The following SLC16A7 variants were observed in gnomAD, a reference collection of about 807,000 sequenced individuals.
The protein encoded by SLC16A7 is solute carrier family 16 member 7, also known as monocarboxylate transporter 2.
In SLC16A7, 33 loss-of-function variants were observed where a neutral mutation model predicts 34.9. The ratio of observed to expected loss-of-function variants is 0.94; its 90% CI spans 0.72 to 1.26. SLC16A7 has a LOEUF of 1.26. SLC16A7 is among the 50% of genes most tolerant of loss of function. The probability of loss-of-function intolerance (pLI) is 0.00; values close to 1 mark genes in which losing one functional copy is unlikely to be tolerated. For missense variants in SLC16A7, 573 were observed against 578.1 expected (o/e 0.99, Z 0.09); for synonymous variants, 201 against 206.6 (o/e 0.97, Z 0.23).
intron 2 of SLC16A7, among the ~76,000 whole-genome samples, chr12:59,677,968 G>A (rs1693622): frequency 0.51 from 77,340 of 152,022 alleles, 20,839 homozygotes; most frequent in East Asian, 0.71. Flanking sequence ...CGTTCCACCC[G>A]CTTGCCCTGG....
intron 1 of SLC16A7, among the ~76,000 whole-genome samples, chr12:59,609,414 T>C (rs1879091500): frequency 6.6e-6 from 1 of 152,176 alleles, no homozygotes; most frequent in South Asian, 2.1e-4. Flanking sequence ...AGTTGTTTTA[T>C]TCTTTGGCAT....
intron 2 of SLC16A7, among the ~76,000 whole-genome samples, chr12:59,673,177 A>C (rs1468300046): frequency 6.6e-6 from 1 of 152,214 alleles, no homozygotes; most frequent in African/African-American, 2.4e-5. Flanking sequence ...CGATTTTGCT[A>C]CATAATATTT....
intron 3 of SLC16A7, among the ~76,000 whole-genome samples, chr12:59,759,192 T>C (rs1442839001): frequency 6.6e-6 from 1 of 151,974 alleles, no homozygotes; most frequent in Non-Finnish European, 1.5e-5. Flanking sequence ...GTATTTAGGG[T>C]AGAGTGTGAA....
intron 5 of SLC16A7, among the ~76,000 whole-genome samples, chr12:59,775,761 T>A (rs1032390031): frequency 2.0e-5 from 3 of 152,148 alleles, no homozygotes; most frequent in African/African-American, 7.2e-5. Context: ...TGTTTTGGTC[T>A]CTTAAAAATA....
chr12:59,633,008 T>A (rs1053431361), intron 1 of SLC16A7, among the ~76,000 whole-genome samples: 11 of 151,980 alleles, frequency 7.2e-5, no homozygotes, highest in African/African-American at 2.4e-4. Context: ...CTTAATAATA[T>A]ACCCGACTTC....
intron 2 of SLC16A7, among the ~76,000 whole-genome samples, chr12:59,673,496 T>G (rs1459169636): frequency 2.0e-5 from 3 of 151,572 alleles, no homozygotes; most frequent in Non-Finnish European, 4.4e-5. Flanking sequence ...TTTTTTTTTT[T>G]GGCCACAAGT....
intron 1 of SLC16A7, among the ~76,000 whole-genome samples, chr12:59,598,290 C>T (rs528874053): frequency 6.6e-6 from 1 of 152,340 alleles, no homozygotes. Context: ...GTGGTACCCA[C>T]TCTGAAGTGA....
chr12:59,728,465 A>T (rs1335001676), intron 3 of SLC16A7, among the ~76,000 whole-genome samples: 2 of 152,220 alleles, frequency 1.3e-5, no homozygotes, highest in Non-Finnish European at 2.9e-5. Flanking sequence ...TGGGAGATGG[A>T]TATGCTTTCA....
In SLC16A7 at chr12:59,787,293, C is replaced by A. The variant is rs1883692268; in HGVS notation, c.*7614C>A. 1 of 152,130 alleles carries A rather than the reference C, an allele frequency of 6.6e-6. No individual in the cohort carries two copies. The highest frequency in any genetic ancestry group is 1.5e-5 in the Non-Finnish European group (1 of 68,020). 9.4% of individuals were successfully genotyped at this position (152,130 alleles called of 1,614,324 possible). A position where few individuals can be genotyped will look rare whatever the true frequency, so the allele number is the denominator to read the frequency against. ...TGAGGAGAACACCTCTACAGTATTT[C>A]TTGATCTAAGAACCTGAACATATGT... On this transcript the variant is annotated 3_prime_UTR_variant, in exon 6 of 6. Transcript: ENST00000547379.
intron 3 of SLC16A7, among the ~76,000 whole-genome samples, chr12:59,751,766 A>G (rs1879599649): frequency 6.6e-6 from 1 of 152,218 alleles, no homozygotes; most frequent in South Asian, 2.1e-4. Flanking sequence ...TTCTCCCAGC[A>G]TGCAGCTGGA....
At chr12:59,717,454 T>C (rs576195741) in intron 3 of SLC16A7, among the ~76,000 whole-genome samples, 1 of 152,338 alleles carries the variant, frequency 6.6e-6, no homozygotes, top group South Asian at 2.1e-4. Flanking sequence ...CCTGATAAAA[T>C]GAACTGTAAG....
intron 4 of SLC16A7, among the ~76,000 whole-genome samples, chr12:59,771,715 A>T (rs1455546891): frequency 6.6e-6 from 1 of 152,128 alleles, no homozygotes; most frequent in Non-Finnish European, 1.5e-5. Flanking sequence ...GTTATTATAA[A>T]ACTTATTTTC....
At chr12:59,648,699 A>G (rs1323472458) in intron 1 of SLC16A7, among the ~76,000 whole-genome samples, 1 of 152,168 alleles carries the variant, frequency 6.6e-6, no homozygotes, top group Non-Finnish European at 1.5e-5. Context: ...CCAGGACAGG[A>G]TTGATTGAAA....
chr12:59,682,722 A>AG (rs1870835644), intron 2 of SLC16A7, among the ~76,000 whole-genome samples: 1 of 152,108 alleles, frequency 6.6e-6, no homozygotes, highest in Non-Finnish European at 1.5e-5. Flanking sequence ...GATTTTCTTG[A>AG]GAAAAAAAAA....
At chr12:59,674,935 A>C (rs1870181713) in intron 2 of SLC16A7, among the ~76,000 whole-genome samples, 1 of 152,182 alleles carries the variant, frequency 6.6e-6, no homozygotes, top group South Asian at 2.1e-4. Flanking sequence ...TAGGACTTCT[A>C]AAATACTAAG....
At chr12:59,715,848 A>T (rs1378388714) in intron 3 of SLC16A7, among the ~76,000 whole-genome samples, 1 of 152,192 alleles carries the variant, frequency 6.6e-6, no homozygotes, top group African/African-American at 2.4e-5. Context: ...GTTTGTAATT[A>T]CCCAATGTTT....
intron 3 of SLC16A7, chr12:59,733,624 C>A: frequency 2.3e-6 from 1 of 436,344 alleles, no homozygotes; most frequent in Non-Finnish European, 4.6e-6. Context: ...CAAAGGGCCA[C>A]AGCTCCTCTC....
chr12:59,624,011 T>G (rs1007520783), intron 1 of SLC16A7, among the ~76,000 whole-genome samples: 1 of 151,254 alleles, frequency 6.6e-6, no homozygotes, highest in African/African-American at 2.4e-5. Context: ...AAATATTTAT[T>G]TATTTATTGT....
chr12:59,602,306 A>T (rs1592378180), intron 1 of SLC16A7, among the ~76,000 whole-genome samples: 1 of 152,038 alleles, frequency 6.6e-6, no homozygotes, highest in Admixed American at 6.5e-5. Context: ...TTTGCTTTGG[A>T]CTGTTAATAA....
Sources: gnomAD v4.1 joint callset for allele counts (sites outside exome capture counted in the v4.1 genomes callset) on GRCh38, gnomAD v4.1.1 for gene constraint, MANE v1.5 for transcripts, NCBI Gene and HGNC (gene_info 2026-07-23, HGNC 2026-07-21) for gene names.